The following CSTPP1 variants were observed in gnomAD, a reference collection of about 807,000 sequenced individuals.
CSTPP1 encodes centriolar satellite-associated tubulin polyglutamylase complex regulator 1, also known as UPF0705 protein C11orf49.
chr11:47,129,285 T>C, the CSTPP1 span, among the ~76,000 whole-genome samples: 1 of 152,132 alleles, frequency 6.6e-6, no homozygotes, highest in African/African-American at 2.4e-5. Flanking sequence ...TGGAGTCACT[T>C]CTTTGATGGG....
chr11:47,135,516 C>A, the CSTPP1 span, among the ~76,000 whole-genome samples: 2 of 152,160 alleles, frequency 1.3e-5, no homozygotes, highest in Admixed American at 1.3e-4. Flanking sequence ...ACCCACTGTA[C>A]AACAGCTGAG....
the CSTPP1 span, among the ~76,000 whole-genome samples, chr11:46,991,154 T>G: frequency 6.6e-6 from 1 of 152,012 alleles, no homozygotes; most frequent in African/African-American, 2.4e-5. Context: ...TAGGCTTCCA[T>G]TTAAGTGAAT....
the CSTPP1 span, among the ~76,000 whole-genome samples, chr11:46,974,857 A>AACACACACAC: frequency 4.9e-5 from 7 of 144,228 alleles, no homozygotes; most frequent in East Asian, 8.5e-4. Context: ...TCTATCTCAA[A>AACACACACAC]ACACACACAC....
the CSTPP1 span, chr11:46,948,081 T>G: frequency 1.1e-5 from 5 of 456,204 alleles, no homozygotes; most frequent in East Asian, 3.5e-4. Flanking sequence ...GCCACACGTC[T>G]TCGGCTTTGC....
At chr11:46,937,705 T>C in the CSTPP1 span, among the ~76,000 whole-genome samples, 1 of 152,036 alleles carries the variant, frequency 6.6e-6, no homozygotes, top group African/African-American at 2.4e-5. Context: ...GCCCGGCTAC[T>C]TTTTTGTATA....
the CSTPP1 span, among the ~76,000 whole-genome samples, chr11:47,063,258 T>C: frequency 6.6e-6 from 1 of 152,178 alleles, no homozygotes; most frequent in African/African-American, 2.4e-5. Flanking sequence ...ATTATTGTGG[T>C]AAAATATATA....
chr11:47,122,553 A>T, the CSTPP1 span, among the ~76,000 whole-genome samples: 1 of 152,310 alleles, frequency 6.6e-6, no homozygotes, highest in East Asian at 1.9e-4. Context: ...ATGGCTTTTT[A>T]AAAAATAAAT....
the CSTPP1 span, chr11:47,161,013 C>A: frequency 3.0e-6 from 4 of 1,347,344 alleles, no homozygotes; most frequent in Middle Eastern, 1.8e-4. Flanking sequence ...ATCTTTAGAT[C>A]GGCCCTCGCA....
chr11:47,133,199 G>C, the CSTPP1 span, among the ~76,000 whole-genome samples: 2 of 152,180 alleles, frequency 1.3e-5, no homozygotes, highest in African/African-American at 4.8e-5. Context: ...ATAGGATCAA[G>C]GGTGTAAAAC....
the CSTPP1 span, among the ~76,000 whole-genome samples, chr11:46,985,077 C>G: frequency 6.6e-6 from 1 of 150,674 alleles, no homozygotes; most frequent in African/African-American, 2.4e-5. Context: ...ATTTTGTTTT[C>G]ACCTCTTTTT....
At chr11:47,017,173 A>ATT in the CSTPP1 span, among the ~76,000 whole-genome samples, 3 of 82,206 alleles carry the variant, frequency 3.6e-5, no homozygotes, top group Non-Finnish European at 6.9e-5. Context: ...AATTCTATGA[A>ATT]TTTTTTTTTT....
At chr11:46,960,535 G>A in the CSTPP1 span, among the ~76,000 whole-genome samples, 1 of 152,106 alleles carries the variant, frequency 6.6e-6, no homozygotes, top group Non-Finnish European at 1.5e-5. Context: ...TATTGTGTCT[G>A]GCTTCTTTCA....
At chr11:47,122,091 A>AAAAAAAAAATAT in the CSTPP1 span, among the ~76,000 whole-genome samples, 25 of 31,838 alleles carry the variant, frequency 7.9e-4, 1 homozygote, top group South Asian at 1.9e-3. Flanking sequence ...AAAAAAAAAA[A>AAAAAAAAAATAT]ATATATATAT....
chr11:47,077,091 T>TAA, the CSTPP1 span, among the ~76,000 whole-genome samples: 4 of 141,626 alleles, frequency 2.8e-5, no homozygotes, highest in East Asian at 6.0e-4. Context: ...ATGAGAAGCT[T>TAA]AAAAAAAAAA....
chr11:46,970,875 TCAATAAGGGAAC>T, the CSTPP1 span, among the ~76,000 whole-genome samples: 1 of 152,160 alleles, frequency 6.6e-6, no homozygotes, highest in Admixed American at 6.5e-5. Flanking sequence ...CACATGCCCA[TCAATAAGGGAAC>T]AATTAATAAA....
the CSTPP1 span, among the ~76,000 whole-genome samples, chr11:46,947,771 T>C: frequency 6.6e-6 from 1 of 152,202 alleles, no homozygotes; most frequent in Non-Finnish European, 1.5e-5. Context: ...AACACAAGCT[T>C]CAGTTTCTGT....
At chr11:47,140,515 C>A in the CSTPP1 span, among the ~76,000 whole-genome samples, 1 of 152,112 alleles carries the variant, frequency 6.6e-6, no homozygotes, top group Admixed American at 6.5e-5. Flanking sequence ...CTTCACCCCG[C>A]CTCTCCCTGG....
At chr11:47,151,276 T>G in the CSTPP1 span, among the ~76,000 whole-genome samples, 2 of 151,830 alleles carry the variant, frequency 1.3e-5, no homozygotes, top group Non-Finnish European at 1.5e-5. Context: ...CTGGACATGC[T>G]GGCGCACGCC....
the CSTPP1 span, among the ~76,000 whole-genome samples, chr11:47,114,282 GA>G: frequency 2.6e-5 from 4 of 152,224 alleles, no homozygotes; most frequent in Non-Finnish European, 5.9e-5. Context: ...CAGGTAGCAT[GA>G]AGCCTCCAGC....
Sources: gnomAD v4.1 joint callset for allele counts (sites outside exome capture counted in the v4.1 genomes callset) on GRCh38, gnomAD v4.1.1 for gene constraint, MANE v1.5 for transcripts, NCBI Gene and HGNC (gene_info 2026-07-23, HGNC 2026-07-21) for gene names.